Variants in DPP10 observed in about 807,000 individuals in gnomAD.
DPP10 encodes the protein inactive dipeptidyl peptidase 10.
In DPP10, 33 loss-of-function variants were observed where a neutral mutation model predicts 120.9. The ratio of observed to expected loss-of-function variants is 0.27; its 90% CI spans 0.21 to 0.37. The LOEUF is 0.37. Among genes scored for constraint, DPP10 ranks in the 10% least tolerant of loss-of-function variants. The pLI is 1.00. For missense variants in DPP10, 816 were observed against 942.8 expected (o/e 0.87, Z 1.76); for synonymous variants, 337 against 326.1 (o/e 1.03, Z -0.36).
chr2:115,237,283 A>G (rs1262617478), intron 1 of DPP10, among the ~76,000 whole-genome samples: 1 of 152,116 alleles, frequency 6.6e-6, no homozygotes, highest in Non-Finnish European at 1.5e-5. Context: ...GTGATCAGTG[A>G]TCTTTGATGT....
chr2:115,776,709 G>T (rs1004506178), intron 13 of DPP10, among the ~76,000 whole-genome samples: 1 of 152,090 alleles, frequency 6.6e-6, no homozygotes, highest in Non-Finnish European at 1.5e-5. Flanking sequence ...CACCTTGGAA[G>T]CATTGATTAA....
chr2:115,367,001 C>T (rs553044709), intron 3 of DPP10, among the ~76,000 whole-genome samples: 12 of 152,060 alleles, frequency 7.9e-5, no homozygotes, highest in African/African-American at 2.9e-4. Context: ...TCTTCTTAAC[C>T]CATCCTATAT....
intron 4 of DPP10, among the ~76,000 whole-genome samples, chr2:115,506,032 T>C (rs2076923622): frequency 6.6e-6 from 1 of 151,994 alleles, no homozygotes; most frequent in Admixed American, 6.6e-5. Flanking sequence ...TATTACTTTA[T>C]GATGGAACTT....
chr2:114,515,547 T>C (rs1684524913), intron 1 of DPP10, among the ~76,000 whole-genome samples: 1 of 152,098 alleles, frequency 6.6e-6, no homozygotes, highest in African/African-American at 2.4e-5. Context: ...CTCAGATAGA[T>C]AGAAAATAGT....
chr2:114,585,196 C>T (rs1265697206), intron 1 of DPP10, among the ~76,000 whole-genome samples: 4 of 152,182 alleles, frequency 2.6e-5, no homozygotes, highest in East Asian at 1.9e-4. Context: ...GGGAAGAGAC[C>T]GCTTCCAAGC....
intron 1 of DPP10, among the ~76,000 whole-genome samples, chr2:114,592,419 G>A (rs550753987): frequency 6.6e-6 from 1 of 152,184 alleles, no homozygotes; most frequent in South Asian, 2.1e-4. Flanking sequence ...AGACAACTTT[G>A]ATATTTAGGT....
intron 1 of DPP10, among the ~76,000 whole-genome samples, chr2:114,779,452 T>C (rs1682074969): frequency 6.6e-6 from 1 of 152,100 alleles, no homozygotes; most frequent in Non-Finnish European, 1.5e-5. Flanking sequence ...ATCTCATATC[T>C]AGGGTAGCAG....
chr2:115,165,606 T>G (rs2052774078), intron 1 of DPP10, among the ~76,000 whole-genome samples: 1 of 152,198 alleles, frequency 6.6e-6, no homozygotes. Flanking sequence ...TTTTTGATCT[T>G]TGTATCATTT....
intron 1 of DPP10, among the ~76,000 whole-genome samples, chr2:114,740,861 G>A (rs1677984460): frequency 6.6e-6 from 1 of 152,174 alleles, no homozygotes; most frequent in South Asian, 2.1e-4. Context: ...GATAGTTTCT[G>A]TAGTATATAC....
intron 1 of DPP10, among the ~76,000 whole-genome samples, chr2:114,955,848 G>A (rs190474763): frequency 6.6e-6 from 1 of 152,262 alleles, no homozygotes; most frequent in East Asian, 1.9e-4. Context: ...TAAGCTATAT[G>A]ATCATTTCAA....
intron 21 of DPP10, among the ~76,000 whole-genome samples, chr2:115,825,307 G>A (rs116677914): frequency 1.9e-3 from 285 of 152,124 alleles, no homozygotes; most frequent in South Asian, 4.6e-3. Context: ...TTCAGGTGTC[G>A]TTTCCTCCAT....
At position 115,309,258 on chromosome 2, in the gene DPP10, C is replaced by G; in HGVS notation, c.80C>G (p.Pro27Arg). 1 of 1,613,206 alleles carries G rather than the reference C, an allele frequency of 6.2e-7. No individual in the cohort carries two copies. The highest frequency in any genetic ancestry group is 8.5e-7 in the Non-Finnish European group (1 of 1,179,516). Reference sequence around the variant, plus strand: ...CGGTAGGAACTGGGAAGTAACAGCCCTCCACAGAGAAACTGGAAGGGAATT... The same window carrying G: ...CGGTAGGAACTGGGAAGTAACAGCCGTCCACAGAGAAACTGGAAGGGAATT... ...KTIKELGSNSPPQRNWKGIAI... is the reference protein window; with the variant it reads ...KTIKELGSNSRPQRNWKGIAI... Residue 27 changes from proline to arginine, a missense_variant, in exon 2 of 26, where the codon CCT (proline) becomes CGT (arginine). This residue lies in a region of DPP10 where 182 missense variants were observed against 207.4 expected (regional missense o/e 0.88). Coordinates refer to ENST00000410059, the MANE Select transcript of DPP10 (RefSeq NM_020868.6).
At chr2:115,702,879 A>T (rs2091949137) in intron 7 of DPP10, among the ~76,000 whole-genome samples, 1 of 152,110 alleles carries the variant, frequency 6.6e-6, no homozygotes, top group Admixed American at 6.6e-5. Context: ...TTCTAAAGAA[A>T]GAACTGGTAA....
At chr2:115,315,043 G>C (rs1298318380) in intron 2 of DPP10, among the ~76,000 whole-genome samples, 1 of 152,114 alleles carries the variant, frequency 6.6e-6, no homozygotes, top group African/African-American at 2.4e-5. Flanking sequence ...GACTTCAGCA[G>C]CTAGTTTGTG....
chr2:115,277,996 A>G (rs996112811), intron 1 of DPP10, among the ~76,000 whole-genome samples: 3 of 152,130 alleles, frequency 2.0e-5, no homozygotes, highest in Non-Finnish European at 2.9e-5. Flanking sequence ...ACACTTACAA[A>G]TGGGTGTTTC....
At chr2:115,464,414 A>AC (rs1553419973) in intron 3 of DPP10, among the ~76,000 whole-genome samples, 111 of 148,996 alleles carry the variant, frequency 7.4e-4, no homozygotes, top group African/African-American at 2.6e-3. Context: ...CCAAAAAAAA[A>AC]CACAAACAAA....
chr2:115,556,882 T>G (rs999656379), intron 5 of DPP10, among the ~76,000 whole-genome samples: 1 of 152,186 alleles, frequency 6.6e-6, no homozygotes, highest in African/African-American at 2.4e-5. Context: ...ATGCAAAGCT[T>G]GCACAGCTTT....
Position 115,436,831 on chromosome 2 carries a change from G to GAT in DPP10, c.272-62670_272-62669dup, listed in dbSNP as rs1199034616. 9.2e-5 allele frequency among the ~76,000 whole-genome samples: 14 copies of GAT among 151,736 alleles called. No homozygotes were observed. The East Asian group carries it at 2.1e-3, about 23-fold the overall frequency. Reference sequence around the variant, plus strand: ...AACTGTATTTTGAGGTAGAAATTGGGATATATATATGAGGCATTTTAAACT... The same window carrying GAT: ...AACTGTATTTTGAGGTAGAAATTGGGATATATATATATGAGGCATTTTAAACT... On this transcript the variant is annotated intron_variant, in intron 3 of 25. Coordinates refer to ENST00000410059, the MANE Select transcript of DPP10 (RefSeq NM_020868.6).
chr2:114,734,993 C>G (rs1677280415), intron 1 of DPP10, among the ~76,000 whole-genome samples: 1 of 152,158 alleles, frequency 6.6e-6, no homozygotes, highest in South Asian at 2.1e-4. Context: ...TCTCACATGC[C>G]CTTTTCTCTG....
Sources: gnomAD v4.1 joint callset for allele counts (sites outside exome capture counted in the v4.1 genomes callset) on GRCh38, gnomAD v4.1.1 for gene constraint, gnomAD v4.1.1 regional missense constraint, MANE v1.5 for transcripts, NCBI Gene and HGNC (gene_info 2026-07-23, HGNC 2026-07-21) for gene names.